Variants in MYO9A observed in about 807,000 individuals in gnomAD.
The protein encoded by MYO9A is myosin IXA.
A neutral mutation model predicts 293.3 loss-of-function variants in MYO9A; 103 were observed. The observed-to-expected ratio is 0.35, with a 90% CI of 0.30 to 0.41. The LOEUF (loss-of-function observed/expected upper bound fraction) is 0.41, where lower values mean the gene tolerates loss of function less well. Ranked by LOEUF, MYO9A falls within the 10% of genes least tolerant of loss-of-function variation. The pLI, the probability that MYO9A is intolerant of heterozygous loss-of-function variation, is 1.00. For synonymous variants in MYO9A, 1,001 were observed against 1,035.7 expected, an observed-to-expected ratio of 0.97 and a Z score of 0.64; for missense variants, 2,685 against 3,033.0, an observed-to-expected ratio of 0.89 and a Z score of 2.69.
Position 72,046,318 on chromosome 15 carries a change from T to G in MYO9A, c.246A>C (p.Pro82=), listed in dbSNP as rs777047032. 7 of 1,614,076 alleles carry G rather than the reference T, an allele frequency of 4.3e-6. No individual in the cohort carries two copies. The Middle Eastern group carries it at 8.2e-4, about 190-fold the overall frequency. ...GGGGCCACAGCATCATTCGCTGAACTGGACAATCTGTTGGATTGAGAATCC... is the reference window on the plus strand; with the variant it reads ...GGGGCCACAGCATCATTCGCTGAACGGGACAATCTGTTGGATTGAGAATCC... The part of the protein sequence containing the change: ...EEWILNPTDC[P]VQRMMLWPRM... Residue 82 remains proline (P), a synonymous_variant, in exon 2 of 42, where the codon CCA becomes CCC. Coordinates refer to ENST00000356056, the MANE Select transcript of MYO9A (RefSeq NM_006901.4).
At chr15:71,915,356 T>C (rs1205994574) in intron 19 of MYO9A, among the ~76,000 whole-genome samples, 1 of 152,038 alleles carries the variant, frequency 6.6e-6, no homozygotes, top group Non-Finnish European at 1.5e-5. Context: ...TTCATTATAC[T>C]CAATTCCCTT....
At chr15:72,054,549 T>C (rs2078663188) in intron 1 of MYO9A, among the ~76,000 whole-genome samples, 1 of 151,960 alleles carries the variant, frequency 6.6e-6, no homozygotes, top group Admixed American at 6.6e-5. Context: ...TGTCCGCCTG[T>C]AGTACCAGCT....
chr15:71,828,044 G>A lies in MYO9A; in HGVS notation c.7041-18C>T, dbSNP rs1184169107. The A allele has an allele frequency of 1.9e-6, 3 of 1,604,210 alleles. No homozygotes were observed. Among genetic ancestry groups the A allele is most frequent in the Non-Finnish European group, 2.5e-6 (3 of 1,176,692 alleles). ...GCTCCTCCCTGTAAGACACAATCAA[G>A]AAACCATTAGCATTTGATAGGAAGT... On this transcript the variant is annotated intron_variant, in intron 40 of 41. Transcript: ENST00000356056.
intron 32 of MYO9A, among the ~76,000 whole-genome samples, chr15:71,874,011 GTC>G (rs2056603649): frequency 6.6e-6 from 1 of 152,156 alleles, no homozygotes; most frequent in Admixed American, 6.6e-5. Flanking sequence ...AGCTTAAGTT[GTC>G]CAGTGTTTCT....
intron 18 of MYO9A, among the ~76,000 whole-genome samples, chr15:71,926,524 T>C (rs769112556): frequency 3.3e-5 from 5 of 151,994 alleles, no homozygotes; most frequent in African/African-American, 1.2e-4. Context: ...GTTCAGGCAA[T>C]AGAGTGAGAT....
intron 1 of MYO9A, among the ~76,000 whole-genome samples, chr15:72,049,427 G>A (rs143229042): frequency 1.1e-4 from 16 of 152,170 alleles, no homozygotes; most frequent in African/African-American, 3.4e-4. Flanking sequence ...CTTCATATAC[G>A]CTATGGCATC....
At chr15:71,938,716 A>T in intron 16 of MYO9A, 136 bp downstream of exon 16, 1 of 631,178 alleles carries the variant, frequency 1.6e-6, no homozygotes, top group Non-Finnish European at 2.5e-6. Context: ...TTATTACATC[A>T]CTTATAAAGG....
Position 72,017,647 on chromosome 15 carries a change from A to G in MYO9A, c.1155+1392T>C, listed in dbSNP as rs566535622. Among the ~76,000 whole-genome samples the G allele has an allele frequency of 1.4e-4, 22 of 152,340 alleles. 1 individual carries two copies. Among genetic ancestry groups the G allele is most frequent in the African/African-American group, 5.3e-4 (22 of 41,578 alleles). On this transcript the variant is annotated intron_variant, in intron 6 of 41. Coordinates refer to ENST00000356056, the MANE Select transcript of MYO9A (RefSeq NM_006901.4). Reference sequence around the variant, plus strand: ...AGTAATACAATTAAAATTTCTCTAAAAAAAATTATTATTCATGTATACTGA... The same window carrying G: ...AGTAATACAATTAAAATTTCTCTAAGAAAAATTATTATTCATGTATACTGA...
intron 1 of MYO9A, among the ~76,000 whole-genome samples, chr15:72,077,698 C>T (rs561770034): frequency 1.4e-5 from 2 of 141,760 alleles, no homozygotes; most frequent in Non-Finnish European, 3.0e-5. Flanking sequence ...CCATTGCACT[C>T]CAGCCTGGGC....
At chr15:72,101,246 G>C (rs1567041191) in intron 1 of MYO9A, among the ~76,000 whole-genome samples, 1 of 131,340 alleles carries the variant, frequency 7.6e-6, no homozygotes, top group Non-Finnish European at 1.7e-5. Flanking sequence ...GGGAGGTGGG[G>C]GGGTCAGCCC....
At chr15:71,958,250 C>T (rs550064525) in intron 14 of MYO9A, among the ~76,000 whole-genome samples, 21 of 152,138 alleles carry the variant, frequency 1.4e-4, no homozygotes, top group Non-Finnish European at 1.0e-4. Flanking sequence ...ATAATATTTA[C>T]GGTCATTATA....
intron 8 of MYO9A, among the ~76,000 whole-genome samples, chr15:72,000,702 C>T (rs1322239080): frequency 2.6e-5 from 4 of 152,012 alleles, no homozygotes; most frequent in Admixed American, 6.6e-5. Flanking sequence ...TGCAGTGGTG[C>T]GATCTCAATT....
intron 18 of MYO9A, among the ~76,000 whole-genome samples, chr15:71,921,941 A>T (rs1376816864): frequency 1.3e-5 from 2 of 151,864 alleles, no homozygotes; most frequent in African/African-American, 4.8e-5. Flanking sequence ...TCTTTTCCCT[A>T]AACACTGCAT....
intron 15 of MYO9A, among the ~76,000 whole-genome samples, chr15:71,944,484 G>T (rs1376553827): frequency 2.6e-5 from 4 of 151,780 alleles, no homozygotes; most frequent in African/African-American, 9.7e-5. Flanking sequence ...TAATAGTTTT[G>T]GTCCTTACAT....
Position 71,898,912 on chromosome 15 carries a change from A to C in MYO9A, c.3591T>G (p.Cys1197Trp), listed in dbSNP as rs780608816. 1.4e-5 allele frequency: 23 copies of C among 1,614,022 alleles called. No individual in the cohort carries two copies. In the Admixed American group the frequency reaches 1.7e-4, roughly 12 times the overall value. The change falls in exon 25 of 42, where the codon TGT becomes TGG. Residue 1197 changes from cysteine to tryptophan, a missense_variant. This residue lies in a region of MYO9A where 1,434 missense variants were observed against 1,497.7 expected (regional missense o/e 0.96). Transcript: ENST00000356056. ...QGSDPSGWED[C>W]SFDNRIKAIE... ...TGGCTTTTATTCTGTTGTCAAAAGA[A>C]CAATCCTCCCATCCTGAAGGGTCTG...
chr15:72,101,514 G>T (rs868251819), intron 1 of MYO9A, among the ~76,000 whole-genome samples: 4 of 101,760 alleles, frequency 3.9e-5, no homozygotes, highest in African/African-American at 1.1e-4. Context: ...GGAGGGAGGT[G>T]GGGGGGTCAG....
chr15:72,058,566 C>T (rs773933513), intron 1 of MYO9A, among the ~76,000 whole-genome samples: 28 of 152,070 alleles, frequency 1.8e-4, no homozygotes, highest in Non-Finnish European at 3.1e-4. Flanking sequence ...AAACAATACA[C>T]GTAAAGAACT....
At chr15:71,841,108 T>C (rs2055142945) in intron 39 of MYO9A, among the ~76,000 whole-genome samples, 1 of 152,270 alleles carries the variant, frequency 6.6e-6, no homozygotes, top group South Asian at 2.1e-4. Context: ...AGACACCTTA[T>C]TGAATTCTCT....
At chr15:71,844,885 A>C (rs541776636) in intron 39 of MYO9A, among the ~76,000 whole-genome samples, 1 of 152,328 alleles carries the variant, frequency 6.6e-6, no homozygotes, top group Admixed American at 6.5e-5. Context: ...GCAGAAAGTC[A>C]TGATACTTTA....
Sources: gnomAD v4.1 joint callset for allele counts (sites outside exome capture counted in the v4.1 genomes callset) on GRCh38, gnomAD v4.1.1 for gene constraint, gnomAD v4.1.1 regional missense constraint, MANE v1.5 for transcripts, NCBI Gene and HGNC (gene_info 2026-07-23, HGNC 2026-07-21) for gene names.